The following ZSWIM3 variants were observed in gnomAD, a reference collection of about 807,000 sequenced individuals.
ZSWIM3 encodes zinc finger SWIM-type containing 3.
A neutral mutation model predicts 47.5 loss-of-function variants in ZSWIM3; 27 were observed. The observed-to-expected ratio is 0.57, with a 90% CI of 0.42 to 0.78. The LOEUF (loss-of-function observed/expected upper bound fraction) is 0.78. Ranked by LOEUF, ZSWIM3 falls within the 30% of genes least tolerant of loss-of-function variation. The pLI, the probability that ZSWIM3 is intolerant of heterozygous loss-of-function variation, is 0.00. For synonymous variants in ZSWIM3, 333 were observed against 333.9 expected (o/e 1.00, Z 0.03); for missense variants, 689 against 861.3 (o/e 0.80, Z 2.50).
chr20:45,865,790 G>T (rs1411373872), intron 1 of ZSWIM3, among the ~76,000 whole-genome samples: 1 of 151,850 alleles, frequency 6.6e-6, no homozygotes, highest in Non-Finnish European at 1.5e-5. Flanking sequence ...GAGGTCAGGA[G>T]ATTGAGACCA....
At chr20:45,860,076 C>T (rs1438575206) in intron 1 of ZSWIM3, among the ~76,000 whole-genome samples, 1 of 152,140 alleles carries the variant, frequency 6.6e-6, no homozygotes, top group South Asian at 2.1e-4. Flanking sequence ...GTTTGCCACT[C>T]TAGTGAATTA....
intron 1 of ZSWIM3, among the ~76,000 whole-genome samples, chr20:45,869,288 A>G (rs1339478725): frequency 6.6e-6 from 1 of 151,426 alleles, no homozygotes; most frequent in Non-Finnish European, 1.5e-5. Context: ...GGAGGCCAAG[A>G]CAGGTGGATT....
intron 1 of ZSWIM3, 109 bp from the exon 2 acceptor site, chr20:45,876,605 C>G (rs904062575): frequency 2.2e-6 from 3 of 1,368,698 alleles, no homozygotes; most frequent in Non-Finnish European, 3.0e-6. Context: ...TCCCAAAGTG[C>G]TGGGGTTATA....
chr20:45,878,659 G>A lies in ZSWIM3; in HGVS notation c.*10G>A. The stretch of plus-strand genomic sequence containing the variant: ...TGTGATGCATTATTGAAGCACTTTA[G>A]CTGAAGCATTGGACCACAAACACTT... On this transcript the variant is annotated 3_prime_UTR_variant, in exon 2 of 2. Coordinates refer to ENST00000255152, the MANE Select transcript of ZSWIM3 (RefSeq NM_080752.4). 1 of 1,595,150 alleles carries A rather than the reference G, an allele frequency of 6.3e-7. No homozygotes were observed.
chr20:45,872,798 C>T (rs756742092), intron 1 of ZSWIM3: 3 of 1,289,200 alleles, frequency 2.3e-6, no homozygotes, highest in South Asian at 2.5e-5. Context: ...CTAGAGATGG[C>T]ACCACCCCCG....
At chr20:45,873,835 A>G (rs982153043) in intron 1 of ZSWIM3, among the ~76,000 whole-genome samples, 1 of 152,248 alleles carries the variant, frequency 6.6e-6, no homozygotes, top group Non-Finnish European at 1.5e-5. Flanking sequence ...GATAAATGCT[A>G]TGAATTCAGA....
At chr20:45,867,349 AG>A (rs1985871956) in intron 1 of ZSWIM3, among the ~76,000 whole-genome samples, 2 of 151,946 alleles carry the variant, frequency 1.3e-5, no homozygotes, top group African/African-American at 2.4e-5. Context: ...GTTGGAGATT[AG>A]TCAGATGCTC....
chr20:45,876,392 G>A (rs6104383), intron 1 of ZSWIM3, among the ~76,000 whole-genome samples: 79,055 of 151,732 alleles, frequency 0.52, 21,135 homozygotes, highest in Admixed American at 0.6. Flanking sequence ...AGGCTGGAGT[G>A]CAGTGGCATG....
rs1460016349 is a variant in ZSWIM3, at chr20:45,857,797, A to G, written c.-29A>G. The G allele has an allele frequency of 1.2e-5, 19 of 1,610,084 alleles. No homozygotes were observed. The highest frequency in any genetic ancestry group is 1.5e-5 in the Non-Finnish European group (18 of 1,177,490). Reference sequence around the variant, plus strand: ...GTGATCTTGGGCCCGGGCTGGGACCAGCCCCTAGTGTGGGTTGTGGGGGCG... The same window carrying G: ...GTGATCTTGGGCCCGGGCTGGGACCGGCCCCTAGTGTGGGTTGTGGGGGCG... On this transcript the variant is annotated 5_prime_UTR_variant, in exon 1 of 2. Coordinates refer to ENST00000255152, the MANE Select transcript of ZSWIM3 (RefSeq NM_080752.4).
Position 45,878,568 on chromosome 20 carries a change from C to T in ZSWIM3, c.2010C>T (p.Asp670=), listed in dbSNP as rs537547455. The T allele has an allele frequency of 3.3e-5, 54 of 1,614,022 alleles. No homozygotes were observed. Among genetic ancestry groups the T allele is most frequent in the Admixed American group, 2.5e-4 (15 of 60,014 alleles). The change falls in exon 2 of 2, where the codon GAC becomes GAT. Residue 670 remains aspartate (D), a synonymous_variant. Coordinates refer to ENST00000255152, the MANE Select transcript of ZSWIM3 (RefSeq NM_080752.4). ...ELFQQPGDFK[D]VGRLPFLWGK... is the part of the protein sequence containing the mutation. ...TTCAGCAGCCAGGAGACTTTAAGGA[C>T]GTGGGCCGCCTCCCTTTCCTCTGGG...
At chr20:45,862,933 G>A (rs1326582844) in intron 1 of ZSWIM3, among the ~76,000 whole-genome samples, 1 of 152,172 alleles carries the variant, frequency 6.6e-6, no homozygotes, top group East Asian at 1.9e-4. Context: ...ACTGTGCCTG[G>A]CCCACTGCAT....
intron 1 of ZSWIM3, among the ~76,000 whole-genome samples, chr20:45,864,156 G>C (rs904589895): frequency 6.6e-6 from 1 of 152,132 alleles, no homozygotes; most frequent in Non-Finnish European, 1.5e-5. Context: ...TTTACCATGG[G>C]CCAGGAGTAC....
chr20:45,875,094 G>A (rs898682888), intron 1 of ZSWIM3, among the ~76,000 whole-genome samples: 4 of 141,152 alleles, frequency 2.8e-5, no homozygotes, highest in Non-Finnish European at 4.5e-5. Flanking sequence ...GCTGGAGTGC[G>A]GTGGCGCCAT....
chr20:45,864,821 A>G (rs1200148926), intron 1 of ZSWIM3, among the ~76,000 whole-genome samples: 1 of 152,140 alleles, frequency 6.6e-6, no homozygotes, highest in Non-Finnish European at 1.5e-5. Flanking sequence ...AGATCACGCC[A>G]CTGCACTCCA....
At chr20:45,872,634 G>A in intron 1 of ZSWIM3, 1 of 1,071,262 alleles carries the variant, frequency 9.3e-7, no homozygotes, top group Admixed American at 2.7e-5. Flanking sequence ...ACAGAGCATG[G>A]TGAACACACA....
Position 45,862,907 on chromosome 20 carries a change from A to T in ZSWIM3, c.155+4927A>T, listed in dbSNP as rs146438505. Among the ~76,000 whole-genome samples, 630 of 152,326 alleles carry T rather than the reference A, an allele frequency of 4.1e-3. 2 individuals are homozygous for T. The highest frequency in any genetic ancestry group is 0.015 in the African/African-American group (609 of 41,570). ...CTCCTCGGCCTTGGAAAGTGCTAGG[A>T]TTACAGGCATGAGCCACTGTGCCTG... On this transcript the variant is annotated intron_variant, in intron 1 of 1. Transcript: ENST00000255152.
rs577239442 is a variant in ZSWIM3, at chr20:45,870,203, A to C, written c.156-6511A>C. On this transcript the variant is annotated intron_variant, in intron 1 of 1. Coordinates refer to ENST00000255152, the MANE Select transcript of ZSWIM3 (RefSeq NM_080752.4). ...CTAAAAATACAAAAATTAGCCGGGCACGGTAGCATGCCTGTAGTCCCAGCT... is the reference window on the plus strand; with the variant it reads ...CTAAAAATACAAAAATTAGCCGGGCCCGGTAGCATGCCTGTAGTCCCAGCT... Among the ~76,000 whole-genome samples, 4 of 150,682 alleles carry C rather than the reference A, an allele frequency of 2.7e-5. No homozygotes were observed. In the East Asian group the frequency reaches 7.9e-4, roughly 30 times the overall value.
At chr20:45,861,990 C>T (rs1985718923) in intron 1 of ZSWIM3, among the ~76,000 whole-genome samples, 1 of 151,908 alleles carries the variant, frequency 6.6e-6, no homozygotes, top group Non-Finnish European at 1.5e-5. Context: ...GATCATGCCA[C>T]TACACTCCAG....
At chr20:45,870,721 T>C (rs534207725) in intron 1 of ZSWIM3, among the ~76,000 whole-genome samples, 254 of 152,164 alleles carry the variant, frequency 1.7e-3, no homozygotes, top group African/African-American at 5.7e-3. Context: ...TGAGACAAAG[T>C]CTCACTCTGT....
Sources: gnomAD v4.1 joint callset for allele counts (sites outside exome capture counted in the v4.1 genomes callset) on GRCh38, gnomAD v4.1.1 for gene constraint, MANE v1.5 for transcripts, NCBI Gene and HGNC (gene_info 2026-07-23, HGNC 2026-07-21) for gene names.